SNTG1: variants seen among roughly 807,000 people sequenced by gnomAD.
The protein encoded by SNTG1 is syntrophin gamma 1.
Under a neutral mutation model 74.7 loss-of-function variants are expected in SNTG1, and 39 were observed. The observed-to-expected ratio is 0.52, with a 90% CI of 0.40 to 0.68. The LOEUF is 0.68. Among genes scored for constraint, SNTG1 ranks in the 30% least tolerant of loss-of-function variants. The probability of loss-of-function intolerance (pLI) is 0.00; values close to 1 mark genes in which losing one functional copy is unlikely to be tolerated. For missense variants in SNTG1, 685 were observed against 609.5 expected, an observed-to-expected ratio of 1.12 and a Z score of -1.30; for synonymous variants, 254 against 217.1, an observed-to-expected ratio of 1.17 and a Z score of -1.49.
chr8:50,325,672 A>G (rs1223744979), intron 2 of SNTG1, among the ~76,000 whole-genome samples: 1 of 152,098 alleles, frequency 6.6e-6, no homozygotes, highest in Non-Finnish European at 1.5e-5. Context: ...AACTTGTTAA[A>G]ACTTGCTTAA....
At chr8:50,435,165 T>G (rs764443109) in intron 4 of SNTG1, among the ~76,000 whole-genome samples, 3 of 152,164 alleles carry the variant, frequency 2.0e-5, no homozygotes, top group Non-Finnish European at 2.9e-5. Flanking sequence ...ATTATTTAAG[T>G]GTGCAGCAAG....
At chr8:50,718,060 G>A (rs372854655) in intron 17 of SNTG1, among the ~76,000 whole-genome samples, 5 of 152,238 alleles carry the variant, frequency 3.3e-5, no homozygotes, top group South Asian at 2.1e-4. Flanking sequence ...ACAAGTAGTC[G>A]TGAGTTTAAA....
intron 1 of SNTG1, among the ~76,000 whole-genome samples, chr8:49,982,692 C>T (rs969430224): frequency 1.3e-5 from 2 of 149,862 alleles, no homozygotes; most frequent in South Asian, 2.1e-4. Flanking sequence ...ACCAAGGATG[C>T]TACCTTAACT....
intron 15 of SNTG1, among the ~76,000 whole-genome samples, chr8:50,699,719 A>C (rs1416080059): frequency 6.6e-6 from 1 of 152,198 alleles, no homozygotes. Flanking sequence ...TCTGGAGGCT[A>C]TTCTTTCTAC....
At chr8:50,709,037 T>G in intron 17 of SNTG1, 59 bp downstream of exon 17, 1 of 1,245,914 alleles carries the variant, frequency 8.0e-7, no homozygotes, top group Non-Finnish European at 1.2e-6. Flanking sequence ...TGAAGAATGA[T>G]TTAAATGCCT....
chr8:50,389,589 G>T (rs899067091), intron 2 of SNTG1, among the ~76,000 whole-genome samples: 7 of 152,146 alleles, frequency 4.6e-5, no homozygotes, highest in Non-Finnish European at 7.4e-5. Flanking sequence ...AATCCTTTGG[G>T]TATATACCCA....
intron 4 of SNTG1, among the ~76,000 whole-genome samples, chr8:50,405,827 G>A (rs1396891423): frequency 6.6e-6 from 1 of 151,984 alleles, no homozygotes; most frequent in African/African-American, 2.4e-5. Flanking sequence ...CATAGCATTA[G>A]GTAAAGATCC....
intron 10 of SNTG1, among the ~76,000 whole-genome samples, chr8:50,534,523 G>T (rs373687426): frequency 6.6e-6 from 1 of 152,168 alleles, no homozygotes; most frequent in South Asian, 2.1e-4. Flanking sequence ...TCTCACGCCT[G>T]CAATCCCAGC....
chr8:50,769,147 AGTACTCT>A (rs2095621050), intron 18 of SNTG1, among the ~76,000 whole-genome samples: 1 of 151,610 alleles, frequency 6.6e-6, no homozygotes, highest in Admixed American at 6.6e-5. Flanking sequence ...TTGTGTTAAG[AGTACTCT>A]GTACTCTTAA....
chr8:50,065,289 G>A lies in SNTG1; in HGVS notation c.-102-107272G>A, dbSNP rs574330224. 2.0e-4 allele frequency among the ~76,000 whole-genome samples: 31 copies of A among 152,204 alleles called. No individual in the cohort carries two copies. The South Asian group carries it at 2.5e-3, about 12-fold the overall frequency. On this transcript the variant is annotated intron_variant, in intron 1 of 18. Transcript: ENST00000642720. The stretch of plus-strand genomic sequence containing the variant: ...TCACTAATGCCTGGAAAAAGATAAC[G>A]TAAAGCATCATGTTTTTTATCTTAT...
At chr8:50,696,347 C>A (rs1032509891) in intron 15 of SNTG1, among the ~76,000 whole-genome samples, 6 of 151,922 alleles carry the variant, frequency 3.9e-5, no homozygotes, top group Non-Finnish European at 7.4e-5. Context: ...TGTCTGAGTT[C>A]CTCATAGATT....
intron 2 of SNTG1, among the ~76,000 whole-genome samples, chr8:50,319,688 T>C (rs762170995): frequency 1.3e-5 from 2 of 152,218 alleles, no homozygotes; most frequent in African/African-American, 4.8e-5. Context: ...CCCCATTCAG[T>C]ATGATACCAT....
At chr8:49,938,602 C>CT (rs371390753) in intron 1 of SNTG1, among the ~76,000 whole-genome samples, 3 of 8,112 alleles carry the variant, frequency 3.7e-4, no homozygotes, top group African/African-American at 7.4e-4. Flanking sequence ...CTTTTCTTTT[C>CT]TTTTCTTTCT....
At chr8:49,946,108 A>G (rs1809162528) in intron 1 of SNTG1, among the ~76,000 whole-genome samples, 1 of 152,078 alleles carries the variant, frequency 6.6e-6, no homozygotes, top group South Asian at 2.1e-4. Flanking sequence ...TCATCTATGT[A>G]TCTATATCAT....
intron 18 of SNTG1, among the ~76,000 whole-genome samples, chr8:50,775,570 G>T (rs540845322): frequency 1.3e-5 from 2 of 151,700 alleles, no homozygotes; most frequent in South Asian, 4.2e-4. Context: ...ACAGAAACTT[G>T]CAAATAATGT....
At chr8:50,733,123 C>T (rs2095517027) in intron 17 of SNTG1, among the ~76,000 whole-genome samples, 1 of 151,850 alleles carries the variant, frequency 6.6e-6, no homozygotes, top group South Asian at 2.1e-4. Flanking sequence ...TTATTGTTCT[C>T]ATATTTATGT....
At chr8:50,157,531 T>C (rs1399146602) in intron 1 of SNTG1, among the ~76,000 whole-genome samples, 1 of 152,124 alleles carries the variant, frequency 6.6e-6, no homozygotes, top group Non-Finnish European at 1.5e-5. Flanking sequence ...AAAAACTTAT[T>C]CTTCGCATAA....
chr8:50,733,179 G>A (rs961674085), intron 17 of SNTG1, among the ~76,000 whole-genome samples: 6 of 151,850 alleles, frequency 4.0e-5, no homozygotes, highest in African/African-American at 1.2e-4. Context: ...GAGAACATGT[G>A]GAATTTGGTT....
At chr8:50,376,756 T>TATATATATATAGAG (rs1381048539) in intron 2 of SNTG1, among the ~76,000 whole-genome samples, 29 of 89,956 alleles carry the variant, frequency 3.2e-4, no homozygotes, top group Middle Eastern at 7.5e-3. Flanking sequence ...TATATATATA[T>TATATATATATAGAG]AGAGAGAGAG....
Sources: gnomAD v4.1 joint callset for allele counts (sites outside exome capture counted in the v4.1 genomes callset) on GRCh38, gnomAD v4.1.1 for gene constraint, MANE v1.5 for transcripts, NCBI Gene and HGNC (gene_info 2026-07-23, HGNC 2026-07-21) for gene names.